SYCP1: variants seen among roughly 807,000 people sequenced by gnomAD.
SYCP1 encodes the protein synaptonemal complex protein 1, also known as cancer/testis antigen 8.
A neutral mutation model predicts 153.1 loss-of-function variants in SYCP1; 64 were observed. The observed-to-expected ratio is 0.42, with a 90% CI of 0.34 to 0.51. The LOEUF (loss-of-function observed/expected upper bound fraction) is 0.51, where lower values mean the gene tolerates loss of function less well. Among genes scored for constraint, SYCP1 ranks in the 20% least tolerant of loss-of-function variants. The pLI is 0.06. For missense variants in SYCP1, 997 were observed against 1,049.0 expected (o/e 0.95, Z 0.68); for synonymous variants, 384 against 341.8 (o/e 1.12, Z -1.36).
intron 30 of SYCP1, among the ~76,000 whole-genome samples, chr1:114,991,731 C>A (rs967048097): frequency 7.3e-5 from 11 of 151,634 alleles, no homozygotes; most frequent in African/African-American, 2.2e-4. Flanking sequence ...GACTTACCCC[C>A]TAATATTAAG....
intron 27 of SYCP1, among the ~76,000 whole-genome samples, chr1:114,974,069 CTTGT>C (rs1424357286): frequency 1.3e-5 from 2 of 151,648 alleles, no homozygotes; most frequent in Non-Finnish European, 3.0e-5. Context: ...TCACTTTCTT[CTTGT>C]ATTTGTCTCC....
chr1:114,950,761 T>C (rs565553927), intron 27 of SYCP1, among the ~76,000 whole-genome samples: 7 of 152,160 alleles, frequency 4.6e-5, no homozygotes, highest in Non-Finnish European at 1.0e-4. Context: ...AGACTGATTA[T>C]CTAGCTAATG....
intron 8 of SYCP1, among the ~76,000 whole-genome samples, chr1:114,865,217 C>G (rs1664659295): frequency 6.6e-6 from 1 of 151,426 alleles, no homozygotes; most frequent in African/African-American, 2.4e-5. Context: ...GGGTCCATTT[C>G]TGTGATTTTT....
intron 26 of SYCP1, among the ~76,000 whole-genome samples, chr1:114,946,697 T>G (rs1042046945): frequency 6.6e-6 from 1 of 152,120 alleles, no homozygotes; most frequent in African/African-American, 2.4e-5. Flanking sequence ...TGTTGAAGTT[T>G]TCTTTAAAGA....
chr1:114,867,274 G>T (rs1045826288), intron 8 of SYCP1, among the ~76,000 whole-genome samples: 4 of 152,054 alleles, frequency 2.6e-5, no homozygotes, highest in Non-Finnish European at 5.9e-5. Context: ...GAATCAGTTT[G>T]TAGATATCCA....
intron 27 of SYCP1, among the ~76,000 whole-genome samples, chr1:114,964,026 C>A (rs1309259442): frequency 6.6e-6 from 1 of 152,200 alleles, no homozygotes; most frequent in African/African-American, 2.4e-5. Flanking sequence ...CACATCCTCT[C>A]CAGCATCTGT....
chr1:114,987,984 C>T (rs553517585), intron 30 of SYCP1, among the ~76,000 whole-genome samples: 263 of 149,608 alleles, frequency 1.8e-3, no homozygotes, highest in Non-Finnish European at 2.8e-3. Flanking sequence ...AAATGAGAAA[C>T]CCACTAGAGG....
At chr1:114,956,908 GCAGA>G (rs1362688591) in intron 27 of SYCP1, among the ~76,000 whole-genome samples, 1 of 150,610 alleles carries the variant, frequency 6.6e-6, no homozygotes, top group Non-Finnish European at 1.5e-5. Context: ...CTCTCAGTGT[GCAGA>G]CATTGTCACA....
At chr1:114,971,952 C>T (rs1256327869) in intron 27 of SYCP1, among the ~76,000 whole-genome samples, 2 of 151,912 alleles carry the variant, frequency 1.3e-5, no homozygotes, top group Non-Finnish European at 2.9e-5. Flanking sequence ...TGGAAGTAAC[C>T]CCCTCTCCTC....
chr1:114,932,331 A>G (rs930459428), intron 23 of SYCP1, among the ~76,000 whole-genome samples: 6 of 152,232 alleles, frequency 3.9e-5, no homozygotes, highest in Non-Finnish European at 8.8e-5. Flanking sequence ...CAGAATATAT[A>G]AATAACTCTT....
intron 27 of SYCP1, among the ~76,000 whole-genome samples, chr1:114,950,134 G>A (rs1354069475): frequency 6.6e-6 from 1 of 152,182 alleles, no homozygotes; most frequent in Non-Finnish European, 1.5e-5. Flanking sequence ...TTGCCCAATG[G>A]AATGTGAGCA....
rs1270712638 is a variant in SYCP1 at position 114,886,819 on chromosome 1, C to T, written c.1190+510C>T. On this transcript the variant is annotated intron_variant, in intron 14 of 31. Transcript: ENST00000369522. ...TTAACTTATTAAATAAATGGTTTCA[C>T]AAATGTGATTACATAAAAAATAAAC... is the stretch of plus-strand genomic sequence containing the variant. 3.3e-5 allele frequency among the ~76,000 whole-genome samples: 5 copies of T among 151,830 alleles called. No individual in the cohort carries two copies. The East Asian group carries it at 9.6e-4, about 29-fold the overall frequency.
At position 114,856,563 on chromosome 1, in the gene SYCP1, G is replaced by T; in HGVS notation, c.109-10G>T. On this transcript the variant is annotated splice_polypyrimidine_tract_variant and intron_variant, in intron 2 of 31. Transcript: ENST00000369522. ...AAACAGAATATTTAAGAACTTCTTTGTGTCTCTAGAGTTTCAACAAATGTA... is the reference window on the plus strand; with the variant it reads ...AAACAGAATATTTAAGAACTTCTTTTTGTCTCTAGAGTTTCAACAAATGTA... 1.3e-6 allele frequency: 2 copies of T among 1,599,640 alleles called. No individual in the cohort carries two copies. Among genetic ancestry groups the T allele is most frequent in the East Asian group, 2.2e-5 (1 of 44,592 alleles).
In SYCP1 at chr1:114,970,512, T is replaced by C. The variant is rs375407156; in HGVS notation, c.2323-7045T>C. On this transcript the variant is annotated intron_variant, in intron 27 of 31. Transcript: ENST00000369522. Reference sequence around the variant, plus strand: ...TTGTTTTGTCATATTACCAGAATTGTTTTTTTTTTTTCTAGTTTGGATAGA... The same window carrying C: ...TTGTTTTGTCATATTACCAGAATTGCTTTTTTTTTTTCTAGTTTGGATAGA... Among the ~76,000 whole-genome samples the C allele has an allele frequency of 3.2e-4, 39 of 123,594 alleles. No individual in the cohort carries two copies. The East Asian group carries it at 7.5e-3, about 24-fold the overall frequency. The allele number at this position is 123,594 out of a possible 152,430, so 81.1% of individuals were successfully genotyped here. A position where few individuals can be genotyped will look rare whatever the true frequency, so the allele number is the denominator to read the frequency against.
At chr1:114,960,447 C>A (rs1405916297) in intron 27 of SYCP1, among the ~76,000 whole-genome samples, 1 of 152,108 alleles carries the variant, frequency 6.6e-6, no homozygotes, top group Non-Finnish European at 1.5e-5. Flanking sequence ...GGATTACGGG[C>A]GTGAGCCACC....
intron 27 of SYCP1, among the ~76,000 whole-genome samples, chr1:114,947,976 TATAC>T (rs998270781): frequency 3.9e-5 from 6 of 152,148 alleles, no homozygotes; most frequent in Admixed American, 1.3e-4. Flanking sequence ...GTTACATATG[TATAC>T]ATGTGACATG....
chr1:114,926,989 G>A (rs992995206), intron 23 of SYCP1, among the ~76,000 whole-genome samples: 4 of 152,062 alleles, frequency 2.6e-5, no homozygotes, highest in Non-Finnish European at 5.9e-5. Context: ...GCCTTACAGT[G>A]TAAGCTCCTG....
chr1:114,944,557 AT>A, intron 24 of SYCP1, 102 bp downstream of exon 24: 1 of 744,910 alleles, frequency 1.3e-6, no homozygotes. Context: ...TTAAATTACA[AT>A]TTTAGAAAAG....
At position 114,977,087 on chromosome 1, in the gene SYCP1, C is replaced by A. The variant is rs183130998; in HGVS notation, c.2323-470C>A. 2.0e-5 allele frequency among the ~76,000 whole-genome samples: 3 copies of A among 151,872 alleles called. No individual in the cohort carries two copies. The East Asian group carries it at 5.8e-4, about 29-fold the overall frequency. On this transcript the variant is annotated intron_variant, in intron 27 of 31. Coordinates refer to ENST00000369522, the MANE Select transcript of SYCP1 (RefSeq NM_003176.4). ...CACTCTTTCCATTCTGACCACAGCT[C>A]TCCTTTCCATTTTTATCTTGACTAT...
Sources: allele counts gnomAD v4.1 joint callset (sites outside exome capture counted in the v4.1 genomes callset), GRCh38; gene constraint gnomAD v4.1.1; transcripts MANE v1.5; gene names NCBI Gene and HGNC (gene_info 2026-07-23, HGNC 2026-07-21).